Variants in INPP5D observed in about 807,000 individuals in gnomAD.
INPP5D encodes phosphatidylinositol 3,4,5-trisphosphate 5-phosphatase 1.
INPP5D carries 33 observed loss-of-function variants against 122.9 expected under a neutral mutation model. The ratio of observed to expected loss-of-function variants is 0.27; its 90% confidence interval spans 0.20 to 0.36. The LOEUF is 0.36. INPP5D is among the 10% of genes least tolerant of loss of function. The pLI, the probability that INPP5D is intolerant of heterozygous loss-of-function variation, is 1.00. For synonymous variants in INPP5D, 584 were observed against 576.2 expected, an observed-to-expected ratio of 1.01 and a Z score of -0.19; for missense variants, 1,053 against 1,412.7, an observed-to-expected ratio of 0.75 and a Z score of 4.08.
At position 233,198,081 on chromosome 2, in the gene INPP5D, T is replaced by C. The variant is rs368198483; in HGVS notation, c.2694-14T>C. On this transcript the variant is annotated splice_polypyrimidine_tract_variant and intron_variant, in intron 24 of 26. Transcript: ENST00000445964. Reference sequence around the variant, plus strand: ...AAGGGACCCCTGAGATGTGACTCCATGTCCTCCCTGCAGGGCCCCTCCGTG... The same window carrying C: ...AAGGGACCCCTGAGATGTGACTCCACGTCCTCCCTGCAGGGCCCCTCCGTG... 2 of 1,559,242 alleles carry C rather than the reference T, an allele frequency of 1.3e-6. No homozygotes were observed. The highest frequency in any genetic ancestry group is 1.2e-5 in the South Asian group (1 of 84,796).
At chr2:233,104,529 T>C (rs1194779053) in intron 2 of INPP5D, among the ~76,000 whole-genome samples, 1 of 151,638 alleles carries the variant, frequency 6.6e-6, no homozygotes, top group Non-Finnish European at 1.5e-5. Context: ...AAACAGAAGG[T>C]GAGGTCGGAA....
At chr2:233,123,390 G>T (rs923662998) in intron 3 of INPP5D, among the ~76,000 whole-genome samples, 6 of 151,172 alleles carry the variant, frequency 4.0e-5, no homozygotes, top group Non-Finnish European at 8.8e-5. Context: ...GGAGGTGGAG[G>T]TTGCAGTGAG....
chr2:233,187,175 C>T (rs559104859), intron 21 of INPP5D, among the ~76,000 whole-genome samples: 6 of 147,486 alleles, frequency 4.1e-5, no homozygotes, highest in South Asian at 4.5e-4. Context: ...TGCAGTGAGA[C>T]GCTGTCTCTT....
At chr2:233,075,630 G>C (rs1026530920) in intron 1 of INPP5D, among the ~76,000 whole-genome samples, 4 of 152,110 alleles carry the variant, frequency 2.6e-5, no homozygotes, top group African/African-American at 9.7e-5. Flanking sequence ...TATAGGACCA[G>C]AGTGAAGTAC....
chr2:233,182,524 C>G (rs755478734), intron 19 of INPP5D, 25 bp downstream of exon 19: 7 of 1,610,826 alleles, frequency 4.3e-6, no homozygotes, highest in Non-Finnish European at 5.9e-6. Flanking sequence ...GTGTCTGTTT[C>G]TCTGTTTTCC....
At chr2:233,184,113 G>C (rs550177580) in intron 19 of INPP5D, among the ~76,000 whole-genome samples, 1 of 152,240 alleles carries the variant, frequency 6.6e-6, no homozygotes, top group East Asian at 1.9e-4. Flanking sequence ...TGAAATAGTG[G>C]GGGTATTGCC....
intron 5 of INPP5D, among the ~76,000 whole-genome samples, chr2:233,138,165 C>T (rs899948375): frequency 6.6e-6 from 1 of 150,618 alleles, no homozygotes; most frequent in African/African-American, 2.4e-5. Flanking sequence ...CAGCCTGCAA[C>T]ATGGCGAAGC....
chr2:233,082,707 T>C lies in INPP5D; in HGVS notation c.198+3309T>C, dbSNP rs1691721633. Among the ~76,000 whole-genome samples, 1 of 152,150 alleles carries C rather than the reference T, an allele frequency of 6.6e-6. No individual in the cohort carries two copies. Among genetic ancestry groups the C allele is most frequent in the East Asian group, 1.9e-4 (1 of 5,200 alleles). On this transcript the variant is annotated intron_variant, in intron 2 of 26. Transcript: ENST00000445964. This position sits in a 1 kb window ranked among gnomAD's most constrained non-coding sequence, Gnocchi z 4.7. ...AGAGGAGCTGCCTCACCTGGGGGAC[T>C]CTTTTCTCTCACTCCATCTTTCACA...
At chr2:233,130,788 T>C (rs1339140682) in intron 5 of INPP5D, 140 bp downstream of exon 5, 1 of 893,448 alleles carries the variant, frequency 1.1e-6, no homozygotes, top group African/African-American at 1.6e-5. Flanking sequence ...GAGCACAGCT[T>C]GGAAATCTCT....
chr2:233,145,388 G>T, intron 6 of INPP5D: 1 of 451,378 alleles, frequency 2.2e-6, no homozygotes, highest in South Asian at 1.6e-5. Context: ...ACTGAACACA[G>T]TCCTCTTGAT....
intron 22 of INPP5D, among the ~76,000 whole-genome samples, chr2:233,190,829 A>C (rs1695038407): frequency 6.6e-6 from 1 of 152,218 alleles, no homozygotes; most frequent in Non-Finnish European, 1.5e-5. Flanking sequence ...CCAAGCTAAG[A>C]GCAAATACCT....
At chr2:233,201,006 A>G (rs1695315809) in intron 25 of INPP5D, among the ~76,000 whole-genome samples, 1 of 143,130 alleles carries the variant, frequency 7.0e-6, no homozygotes. Context: ...ATAAATAAAT[A>G]AATAGATGAG....
intron 2 of INPP5D, among the ~76,000 whole-genome samples, chr2:233,116,648 G>A (rs1692807691): frequency 6.6e-6 from 1 of 151,026 alleles, no homozygotes; most frequent in Non-Finnish European, 1.5e-5. Flanking sequence ...CCAGGCTGGA[G>A]TGCAGTGGCT....
chr2:233,161,638 T>G (rs1378674959), intron 10 of INPP5D, 86 bp from the exon 11 acceptor site: 6 of 1,455,020 alleles, frequency 4.1e-6, no homozygotes, highest in Non-Finnish European at 5.5e-6. Context: ...CCTCTCAGTT[T>G]TCTTGAAGCT....
At chr2:233,083,230 G>A (rs900824854) in intron 2 of INPP5D, among the ~76,000 whole-genome samples, 5 of 152,190 alleles carry the variant, frequency 3.3e-5, no homozygotes, top group Non-Finnish European at 7.4e-5. Flanking sequence ...GAGGAGGGTG[G>A]AGACAGCAGG....
At chr2:233,074,294 TG>T (rs1329891805) in intron 1 of INPP5D, among the ~76,000 whole-genome samples, 2 of 152,166 alleles carry the variant, frequency 1.3e-5, no homozygotes, top group Non-Finnish European at 1.5e-5. Flanking sequence ...GCCTCATACC[TG>T]GGTCTTGTCT....
Position 233,122,101 on chromosome 2 carries a change from C to T in INPP5D, c.199-6C>T. 6.2e-7 allele frequency: 1 copy of T among 1,613,846 alleles called. No homozygotes were observed. Among genetic ancestry groups the T allele is most frequent in the South Asian group, 1.1e-5 (1 of 91,070 alleles). On this transcript the variant is annotated splice_polypyrimidine_tract_variant and splice_region_variant and intron_variant, in intron 2 of 26. Transcript: ENST00000445964. ...ATGTGCGTTTGTTTGGATGTTCTGT[C>T]CTCAGGCATCCGAAGGCGTCTCCAT...
At chr2:233,156,047 G>A (rs1427346892) in intron 9 of INPP5D, among the ~76,000 whole-genome samples, 1 of 152,262 alleles carries the variant, frequency 6.6e-6, no homozygotes, top group Non-Finnish European at 1.5e-5. Context: ...TGAGGGAAAA[G>A]ACACATGCAT....
At chr2:233,191,105 A>T (rs1235795989) in intron 22 of INPP5D, among the ~76,000 whole-genome samples, 1 of 152,216 alleles carries the variant, frequency 6.6e-6, no homozygotes, top group African/African-American at 2.4e-5. Flanking sequence ...TAATTTATAA[A>T]GGAAAGAGGT....
Sources: gnomAD v4.1 joint callset for allele counts (sites outside exome capture counted in the v4.1 genomes callset) on GRCh38, gnomAD v4.1.1 for gene constraint, Gnocchi (gnomAD v3.1) non-coding constraint, MANE v1.5 for transcripts, NCBI Gene and HGNC (gene_info 2026-07-23, HGNC 2026-07-21) for gene names.